Variants in DPP6 observed in about 807,000 individuals in gnomAD.
DPP6 encodes dipeptidyl peptidase like 6.
DPP6 carries 69 observed loss-of-function variants against 122.6 expected under a neutral mutation model. The ratio of observed to expected loss-of-function variants is 0.56; its 90% CI spans 0.46 to 0.69. The LOEUF (loss-of-function observed/expected upper bound fraction) is 0.69. DPP6 is among the 30% of genes least tolerant of loss of function. DPP6 has a pLI of 0.00. For missense variants in DPP6, 928 were observed against 1,116.9 expected (o/e 0.83, Z 2.41); for synonymous variants, 418 against 433.1 (o/e 0.97, Z 0.43).
rs138327017 is a variant in DPP6, at chr7:154,483,555, G to C, written c.457+8518G>C. On this transcript the variant is annotated intron_variant, in intron 3 of 25. Coordinates refer to ENST00000377770, the MANE Select transcript of DPP6 (RefSeq NM_130797.4). This position sits in a 1 kb window ranked among gnomAD's most constrained non-coding sequence, Gnocchi z 8.1. ...TCTGATTGGTTACAGTTATGGAGTT[G>C]CCTTATTTGGTCAATCCTGTTGGAA... 7.9e-3 allele frequency among the ~76,000 whole-genome samples: 1,196 copies of C among 152,332 alleles called. 6 individuals are homozygous for C. The highest frequency in any genetic ancestry group is 0.027 in the Middle Eastern group (8 of 294).
At chr7:154,887,371 C>G (rs1806235790) in intron 22 of DPP6, among the ~76,000 whole-genome samples, 1 of 152,150 alleles carries the variant, frequency 6.6e-6, no homozygotes. Flanking sequence ...GGAGGTTATC[C>G]TACTTATTTA....
In DPP6 at chr7:154,868,105, G is replaced by A. The variant is rs377439956; in HGVS notation, c.1813+12G>A. The A allele has an allele frequency of 2.1e-4, 333 of 1,592,384 alleles. No individual in the cohort carries two copies. Among genetic ancestry groups the A allele is most frequent in the Admixed American group, 5.7e-4 (32 of 56,512 alleles). ...GATTGATGATTACAGTAAGTACTAC[G>A]TTTTTCCCCTCTAAAAGAAAAAGAA... On this transcript the variant is annotated intron_variant, in intron 18 of 25. Transcript: ENST00000377770.
intron 17 of DPP6, among the ~76,000 whole-genome samples, chr7:154,867,432 T>C (rs1289857028): frequency 2.6e-5 from 4 of 152,336 alleles, no homozygotes; most frequent in Non-Finnish European, 5.9e-5. Context: ...CCCACTGCAG[T>C]GTGAAGCAAG....
chr7:154,571,093 A>C (rs1831082150), intron 5 of DPP6, among the ~76,000 whole-genome samples: 1 of 152,240 alleles, frequency 6.6e-6, no homozygotes, highest in Non-Finnish European at 1.5e-5. Flanking sequence ...AACATTTCTC[A>C]GTGTACACTT....
At chr7:154,375,687 C>T (rs1023543307) in intron 1 of DPP6, among the ~76,000 whole-genome samples, 1 of 152,034 alleles carries the variant, frequency 6.6e-6, no homozygotes, top group Non-Finnish European at 1.5e-5. Flanking sequence ...CAGAAGCTGC[C>T]GGCACCCTGA....
rs928493450 is a variant in DPP6 at position 154,423,908 on chromosome 7, G to A, written c.244-22306G>A. 3.3e-5 allele frequency among the ~76,000 whole-genome samples: 5 copies of A among 152,202 alleles called. No homozygotes were observed. The East Asian group carries it at 7.7e-4, about 23-fold the overall frequency. On this transcript the variant is annotated intron_variant, in intron 1 of 25. Transcript: ENST00000377770. ...AAACTCACAGAGGCAAAGAAACATA[G>A]AGGATGGTCTGTTCCCCTACTGCCA...
chr7:154,676,001 G>A (rs538927505), intron 7 of DPP6, among the ~76,000 whole-genome samples: 19 of 152,174 alleles, frequency 1.2e-4, no homozygotes, highest in Non-Finnish European at 2.6e-4. Context: ...GGCCCATGAG[G>A]CCAATCCAGC....
chr7:154,236,687 C>G (rs148618914), intron 1 of DPP6, among the ~76,000 whole-genome samples: 1 of 152,246 alleles, frequency 6.6e-6, no homozygotes, highest in African/African-American at 2.4e-5. Context: ...AAAGCCTCAG[C>G]CTATAATCAG....
At chr7:153,948,437 A>C (rs11979178) in intron 1 of DPP6, among the ~76,000 whole-genome samples, 6,355 of 152,154 alleles carry the variant, frequency 0.042, 419 homozygotes, top group African/African-American at 0.15. Flanking sequence ...GACATATTAC[A>C]GGAAAACCAG....
chr7:153,783,631 T>C, the DPP6 span, among the ~76,000 whole-genome samples: 1 of 145,622 alleles, frequency 6.9e-6, no homozygotes, highest in Non-Finnish European at 1.5e-5. Flanking sequence ...TTGAAAAATG[T>C]TTGTCACCTT....
intron 1 of DPP6, among the ~76,000 whole-genome samples, chr7:154,064,195 G>A (rs1057316651): frequency 2.0e-5 from 3 of 152,132 alleles, no homozygotes; most frequent in African/African-American, 4.8e-5. Flanking sequence ...GGCTGACAAT[G>A]TGCTCACCAC....
At chr7:154,382,942 G>A (rs918811545) in intron 1 of DPP6, among the ~76,000 whole-genome samples, 6 of 152,182 alleles carry the variant, frequency 3.9e-5, no homozygotes, top group Non-Finnish European at 7.3e-5. Context: ...AACCAGGCTG[G>A]TCTTGAACTC....
chr7:154,498,373 C>G (rs1054714811), intron 3 of DPP6, among the ~76,000 whole-genome samples: 1 of 152,190 alleles, frequency 6.6e-6, no homozygotes, highest in Non-Finnish European at 1.5e-5. Flanking sequence ...GAGTCTCGCT[C>G]TCTCACCTAG....
intron 5 of DPP6, among the ~76,000 whole-genome samples, chr7:154,572,010 G>A (rs192128286): frequency 6.6e-6 from 1 of 152,256 alleles, no homozygotes; most frequent in Non-Finnish European, 1.5e-5. Flanking sequence ...ACCTGGGGAG[G>A]AGTCTGCTTC....
At chr7:154,631,558 T>C (rs562966436) in intron 5 of DPP6, among the ~76,000 whole-genome samples, 1 of 151,992 alleles carries the variant, frequency 6.6e-6, no homozygotes, top group Non-Finnish European at 1.5e-5. Flanking sequence ...ATCCAAGCAT[T>C]TGGGAGGCCG....
upstream of DPP6, among the ~76,000 whole-genome samples, chr7:154,052,060 G>GGCCT (rs917079162): frequency 1.3e-5 from 2 of 151,412 alleles, no homozygotes; most frequent in South Asian, 2.1e-4. This position sits in a 1 kb window ranked among gnomAD's most constrained non-coding sequence, Gnocchi z 4.8. Context: ...CCCCCTGGCC[G>GGCCT]GCCTGCCTGC....
At chr7:154,230,436 G>A (rs547456839) in intron 1 of DPP6, among the ~76,000 whole-genome samples, 3 of 152,274 alleles carry the variant, frequency 2.0e-5, no homozygotes, top group Admixed American at 6.5e-5. Flanking sequence ...CATCTTTAAG[G>A]GACTGATGCA....
At chr7:154,735,490 T>C (rs1052809097) in intron 8 of DPP6, among the ~76,000 whole-genome samples, 4 of 152,218 alleles carry the variant, frequency 2.6e-5, no homozygotes, top group African/African-American at 9.7e-5. Flanking sequence ...CAATGGAGCA[T>C]TGGCTCAATC....
intron 17 of DPP6, 58 bp downstream of exon 17, chr7:154,853,885 C>G: frequency 1.2e-6 from 2 of 1,604,572 alleles, no homozygotes; most frequent in Admixed American, 1.7e-5. Flanking sequence ...GGAAGCAAAA[C>G]ACTCTATGAG....
Sources: allele counts gnomAD v4.1 joint callset (sites outside exome capture counted in the v4.1 genomes callset), GRCh38; gene constraint gnomAD v4.1.1; non-coding constraint Gnocchi (gnomAD v3.1); transcripts MANE v1.5; gene names NCBI Gene and HGNC (gene_info 2026-07-23, HGNC 2026-07-21).